MGAT5: variants seen among roughly 807,000 people sequenced by gnomAD.
MGAT5 encodes the protein alpha-1,6-mannosylglycoprotein 6-beta-N-acetylglucosaminyltransferase.
In MGAT5, 30 loss-of-function variants were observed where a neutral mutation model predicts 94.3. The ratio of observed to expected loss-of-function variants is 0.32; its 90% confidence interval spans 0.24 to 0.43. The LOEUF is 0.43. MGAT5 is among the 20% of genes least tolerant of loss of function. The probability of loss-of-function intolerance (pLI) is 1.00; values close to 1 mark genes in which losing one functional copy is unlikely to be tolerated. For missense variants in MGAT5, 691 were observed against 905.5 expected, an observed-to-expected ratio of 0.76 and a Z score of 3.04; for synonymous variants, 310 against 322.9, an observed-to-expected ratio of 0.96 and a Z score of 0.43.
At chr2:134,404,601 G>A (rs1683233847) in intron 11 of MGAT5, among the ~76,000 whole-genome samples, 1 of 152,096 alleles carries the variant, frequency 6.6e-6, no homozygotes, top group African/African-American at 2.4e-5. Context: ...ACTCTTAGTG[G>A]ACACCCACTA....
At chr2:134,277,816 T>C (rs1261949607) in intron 2 of MGAT5, among the ~76,000 whole-genome samples, 1 of 152,246 alleles carries the variant, frequency 6.6e-6, no homozygotes, top group Non-Finnish European at 1.5e-5. Flanking sequence ...TAGTGCTTTA[T>C]AGATTAGAAA....
At chr2:134,169,100 A>G (rs967099103) in intron 1 of MGAT5, among the ~76,000 whole-genome samples, 1 of 152,136 alleles carries the variant, frequency 6.6e-6, no homozygotes, top group African/African-American at 2.4e-5. Flanking sequence ...CTTTAGAAAT[A>G]CTTTGGGGGA....
intron 4 of MGAT5, among the ~76,000 whole-genome samples, chr2:134,334,496 CTTTTTT>C (rs59933611): frequency 2.3e-4 from 8 of 34,108 alleles, no homozygotes; most frequent in African/African-American, 8.5e-4. Flanking sequence ...CTTGCTCATC[CTTTTTT>C]TTTTTTTTTT....
At chr2:134,171,753 T>A (rs1185237392) in intron 1 of MGAT5, among the ~76,000 whole-genome samples, 1 of 152,202 alleles carries the variant, frequency 6.6e-6, no homozygotes, top group Non-Finnish European at 1.5e-5. Context: ...GTGATTCCTA[T>A]TCTAAAGTGG....
chr2:134,125,971 G>A (rs1685820709), intron 1 of MGAT5, among the ~76,000 whole-genome samples: 1 of 152,184 alleles, frequency 6.6e-6, no homozygotes, highest in African/African-American at 2.4e-5. Context: ...AGGAGCATGG[G>A]GTAGGTGAGG....
intron 4 of MGAT5, among the ~76,000 whole-genome samples, chr2:134,332,654 C>CTA (rs1688048295): frequency 2.0e-5 from 3 of 152,116 alleles, no homozygotes; most frequent in South Asian, 2.1e-4. Flanking sequence ...AACAGGCAAC[C>CTA]TACGAAATGG....
At chr2:134,152,091 C>T (rs1186506484) in intron 1 of MGAT5, among the ~76,000 whole-genome samples, 1 of 142,906 alleles carries the variant, frequency 7.0e-6, no homozygotes, top group Non-Finnish European at 1.5e-5. Flanking sequence ...CTCACTCATC[C>T]CCTCTGGGAC....
intron 1 of MGAT5, among the ~76,000 whole-genome samples, chr2:134,204,368 C>G (rs1679934383): frequency 6.6e-6 from 1 of 152,140 alleles, no homozygotes; most frequent in South Asian, 2.1e-4. Context: ...CCCTTTCTTC[C>G]TTGGCTAATG....
At chr2:134,156,724 C>G (rs115481276) in intron 1 of MGAT5, among the ~76,000 whole-genome samples, 1 of 152,114 alleles carries the variant, frequency 6.6e-6, no homozygotes. Flanking sequence ...ACAAGTAGTC[C>G]GTTTCGAGGG....
At chr2:134,225,225 G>A (rs550879151) in intron 1 of MGAT5, among the ~76,000 whole-genome samples, 2 of 152,236 alleles carry the variant, frequency 1.3e-5, no homozygotes, top group East Asian at 3.9e-4. Context: ...AGGTGGTTAT[G>A]GGTTCCCACT....
chr2:134,312,585 G>A (rs149972114), intron 2 of MGAT5, among the ~76,000 whole-genome samples: 2 of 152,314 alleles, frequency 1.3e-5, no homozygotes, highest in East Asian at 3.9e-4. Flanking sequence ...GGGGTCTCCA[G>A]TGTGCTGGGC....
chr2:134,350,248 C>T (rs1430827252), intron 9 of MGAT5, among the ~76,000 whole-genome samples: 1 of 152,200 alleles, frequency 6.6e-6, no homozygotes, highest in African/African-American at 2.4e-5. Context: ...AGGCACTAAA[C>T]ACATTTTATG....
At chr2:134,273,130 G>GT (rs893309275) in intron 2 of MGAT5, among the ~76,000 whole-genome samples, 3 of 150,084 alleles carry the variant, frequency 2.0e-5, no homozygotes, top group Admixed American at 6.7e-5. Context: ...CCCCCAGAAG[G>GT]TGGGGGGGGG....
At chr2:134,236,635 T>C (rs920529759) in intron 1 of MGAT5, among the ~76,000 whole-genome samples, 1 of 152,162 alleles carries the variant, frequency 6.6e-6, no homozygotes, top group Non-Finnish European at 1.5e-5. Context: ...CATGCTGAAC[T>C]GTGAGTCAAA....
chr2:134,136,993 A>G (rs1376483436), intron 1 of MGAT5, among the ~76,000 whole-genome samples: 2 of 152,216 alleles, frequency 1.3e-5, no homozygotes, highest in Non-Finnish European at 2.9e-5. Context: ...CTGTCACTAC[A>G]AGGTATGTGA....
chr2:134,193,053 C>T (rs1231416698), intron 1 of MGAT5, among the ~76,000 whole-genome samples: 1 of 151,810 alleles, frequency 6.6e-6, no homozygotes, highest in Non-Finnish European at 1.5e-5. Flanking sequence ...TAGAAAAAAA[C>T]AGTAATTTCA....
intron 1 of MGAT5, among the ~76,000 whole-genome samples, chr2:134,240,241 TCAGGC>T (rs796780688): frequency 1.1e-3 from 162 of 152,302 alleles, no homozygotes; most frequent in African/African-American, 3.7e-3. Context: ...TGGTCCAGGG[TCAGGC>T]CAGGCCAAAT....
chr2:134,436,543 AG>A (rs1461362196), intron 14 of MGAT5, among the ~76,000 whole-genome samples: 2 of 152,278 alleles, frequency 1.3e-5, no homozygotes, highest in East Asian at 3.9e-4. Context: ...ATGAACAAAT[AG>A]GGCATATCAG....
chr2:134,327,654 T>C (rs1687717485), intron 4 of MGAT5, among the ~76,000 whole-genome samples: 1 of 152,150 alleles, frequency 6.6e-6, no homozygotes, highest in Admixed American at 6.6e-5. Flanking sequence ...ATTTTTTATT[T>C]AATATTTTCA....
Sources: gnomAD v4.1 joint callset for allele counts (sites outside exome capture counted in the v4.1 genomes callset) on GRCh38, gnomAD v4.1.1 for gene constraint, MANE v1.5 for transcripts, NCBI Gene and HGNC (gene_info 2026-07-23, HGNC 2026-07-21) for gene names.